Variants in ZC3H13 observed in about 807,000 individuals in gnomAD.
ZC3H13 encodes the protein zinc finger CCCH-type containing 13.
Under a neutral mutation model 204.1 loss-of-function variants are expected in ZC3H13, and 64 were observed. The ratio of observed to expected loss-of-function variants is 0.31; its 90% CI spans 0.26 to 0.39. The LOEUF (loss-of-function observed/expected upper bound fraction) is 0.39, where lower values mean the gene tolerates loss of function less well. ZC3H13 is among the 10% of genes least tolerant of loss of function. ZC3H13 has a pLI of 1.00. For synonymous variants in ZC3H13, 667 were observed against 693.7 expected, an observed-to-expected ratio of 0.96 and a Z score of 0.60; for missense variants, 1,833 against 2,082.7, an observed-to-expected ratio of 0.88 and a Z score of 2.33.
chr13:46,051,878 C>A (rs1263976309), intron 1 of ZC3H13: 1 of 151,550 alleles, frequency 6.6e-6, no homozygotes, highest in Admixed American at 6.6e-5. Flanking sequence ...CAAACAGACT[C>A]TCTTCTTTCT....
At position 45,968,913 on chromosome 13, in the gene ZC3H13, T is replaced by C; in HGVS notation, c.3631A>G (p.Asn1211Asp). The change falls in exon 14 of 19, where the codon AAT becomes GAT. Residue 1211 changes from asparagine (N) to aspartate (D), a missense_variant. By Grantham distance (23) the Asn-to-Asp change is conservative. Coordinates refer to ENST00000679008, the MANE Select transcript of ZC3H13 (RefSeq NM_001330564.2). ...TCTCCACTTCGATGGGCTGAATCATTGGATGGGGAGCGAAGACGACCAGAC... is the reference window on the plus strand; with the variant it reads ...TCTCCACTTCGATGGGCTGAATCATCGGATGGGGAGCGAAGACGACCAGAC... ...HTSGRLRSPSNDSAHRSGDDQ... is the reference protein window; with the variant it reads ...HTSGRLRSPSDDSAHRSGDDQ... 1 of 1,614,172 alleles carries C rather than the reference T, an allele frequency of 6.2e-7. No homozygotes were observed. The highest frequency in any genetic ancestry group is 1.1e-5 in the South Asian group (1 of 91,080).
intron 10 of ZC3H13, among the ~76,000 whole-genome samples, chr13:45,981,356 T>C (rs1296285461): frequency 2.0e-5 from 3 of 152,258 alleles, no homozygotes; most frequent in African/African-American, 7.2e-5. Flanking sequence ...GGTGTATATG[T>C]ACCACATTTT....
chr13:45,979,976 A>T lies in ZC3H13; in HGVS notation c.1749T>A (p.Ile583=), dbSNP rs1429558026. The T allele has an allele frequency of 2.5e-6, 4 of 1,606,838 alleles. No individual in the cohort carries two copies. In the African/African-American group the frequency reaches 5.4e-5, roughly 22 times the overall value. The change falls in exon 11 of 19, where the codon ATT becomes ATA. Residue 583 remains isoleucine, a synonymous_variant. Coordinates refer to ENST00000679008, the MANE Select transcript of ZC3H13 (RefSeq NM_001330564.2). ...KGSRGSRGSQ[I]DSHSSNSNYH... is the part of the protein sequence containing the mutation. ...AGTTGCTATTACTACTGTGACTATCAATTTGAGAACCTCTTGAGCCTCGAC... is the reference window on the plus strand; with the variant it reads ...AGTTGCTATTACTACTGTGACTATCTATTTGAGAACCTCTTGAGCCTCGAC...
At chr13:45,976,866 A>C (rs967905302) in intron 11 of ZC3H13, among the ~76,000 whole-genome samples, 13 of 152,196 alleles carry the variant, frequency 8.5e-5, no homozygotes, top group African/African-American at 2.7e-4. Flanking sequence ...TGGAACATCT[A>C]ACATCAACTC....
At chr13:45,969,996 CA>C in intron 13 of ZC3H13, 25 bp from the exon 14 acceptor site, 2 of 1,577,302 alleles carry the variant, frequency 1.3e-6, no homozygotes, top group South Asian at 2.4e-5. Flanking sequence ...AAAGCAATCA[CA>C]CTCTCACCAG....
At chr13:46,027,821 C>T (rs1055686711) in intron 4 of ZC3H13, among the ~76,000 whole-genome samples, 3 of 151,874 alleles carry the variant, frequency 2.0e-5, no homozygotes, top group Admixed American at 1.3e-4. Flanking sequence ...AATTGATATG[C>T]TAAAAAAGAA....
chr13:45,999,343 A>G (rs1008516735), intron 8 of ZC3H13, among the ~76,000 whole-genome samples: 1 of 152,330 alleles, frequency 6.6e-6, no homozygotes, highest in East Asian at 1.9e-4. Context: ...CAATCCTCTC[A>G]AACCCTGCTG....
chr13:46,038,441 T>C (rs2139094206), intron 4 of ZC3H13, among the ~76,000 whole-genome samples: 1 of 152,316 alleles, frequency 6.6e-6, no homozygotes, highest in Admixed American at 6.5e-5. Flanking sequence ...TTACAAGTTA[T>C]CCATTTATGA....
At chr13:46,001,056 C>A (rs1340220639) in intron 8 of ZC3H13, 1 of 152,132 alleles carries the variant, frequency 6.6e-6, no homozygotes, top group Non-Finnish European at 1.5e-5. Flanking sequence ...AGAACAATTA[C>A]AATGGTAATG....
intron 3 of ZC3H13, 121 bp from the exon 4 acceptor site, chr13:46,042,396 C>T (rs188257721): frequency 1.6e-6 from 1 of 624,124 alleles, no homozygotes; most frequent in Non-Finnish European, 2.5e-6. Flanking sequence ...AATCTCAATA[C>T]ACTTTTTCTA....
chr13:46,042,457 T>C (rs1294662508), intron 3 of ZC3H13, among the ~76,000 whole-genome samples, 182 bp from the exon 4 acceptor site: 2 of 152,176 alleles, frequency 1.3e-5, no homozygotes, highest in African/African-American at 2.4e-5. Flanking sequence ...AATATTAATA[T>C]GCAAAACACG....
intron 1 of ZC3H13, among the ~76,000 whole-genome samples, chr13:46,050,012 A>G (rs2044287347): frequency 6.6e-6 from 1 of 152,200 alleles, no homozygotes; most frequent in Non-Finnish European, 1.5e-5. Context: ...GAGCATTATC[A>G]AAGACAGAGT....
Position 45,970,370 on chromosome 13 carries a change from T to A in ZC3H13, c.2564A>T (p.Asp855Val), listed in dbSNP as rs1362337835. Reference sequence around the variant, plus strand: ...AAACAGAGTCTGCTTACTTTTATCATCTCCACTGTTGTAGGCATCACTGTC... The same window carrying A: ...AAACAGAGTCTGCTTACTTTTATCAACTCCACTGTTGTAGGCATCACTGTC... Reference protein sequence around the residue: ...SPDSDAYNSGDDKNEKHRLLS... With the variant: ...SPDSDAYNSGVDKNEKHRLLS... Residue 855 changes from aspartate to valine, a missense_variant, in exon 13 of 19, where the codon GAT (aspartate) becomes GTT (valine). Physicochemically the swap from Asp to Val is radical, Grantham distance 152. This residue lies in a region of ZC3H13 where 1,574 missense variants were observed against 1,757.2 expected (regional missense o/e 0.90). Coordinates refer to ENST00000679008, the MANE Select transcript of ZC3H13 (RefSeq NM_001330564.2). 1 of 1,613,732 alleles carries A rather than the reference T, an allele frequency of 6.2e-7. No homozygotes were observed.
chr13:45,968,157 T>C, intron 14 of ZC3H13, 129 bp from the exon 15 acceptor site: 2 of 855,584 alleles, frequency 2.3e-6, no homozygotes, highest in Admixed American at 3.2e-5. Context: ...CTATGTTCCA[T>C]ATTGTCTCTA....
At chr13:45,965,152 C>T in intron 16 of ZC3H13, 128 bp downstream of exon 16, 2 of 1,193,784 alleles carry the variant, frequency 1.7e-6, no homozygotes, top group South Asian at 1.9e-5. Context: ...GGCCTTTCAA[C>T]CTTAAGTAAA....
chr13:46,016,132 T>C (rs543930252), intron 5 of ZC3H13, among the ~76,000 whole-genome samples: 1 of 152,254 alleles, frequency 6.6e-6, no homozygotes. Context: ...CACCGTATGG[T>C]TAACTGGAAC....
At position 46,052,526 on chromosome 13, in the gene ZC3H13, G is replaced by A. The variant is rs1351462470; in HGVS notation, c.-132C>T. 5.0e-6 allele frequency: 2 copies of A among 398,576 alleles called. No homozygotes were observed. The highest frequency in any genetic ancestry group is 4.1e-5 in the African/African-American group (2 of 48,618). The allele number at this position is 398,576 out of a possible 1,614,324, so 24.7% of individuals were successfully genotyped here. On this transcript the variant is annotated 5_prime_UTR_variant, in exon 1 of 19. Coordinates refer to ENST00000679008, the MANE Select transcript of ZC3H13 (RefSeq NM_001330564.2). ...CCAGGAGGACGACGACGAGGAGAAA[G>A]CGATGCGCGCGCGGCTCCCGGGAAC...
At position 45,975,774 on chromosome 13, in the gene ZC3H13, T is replaced by A. The variant is rs1431820464; in HGVS notation, c.1977A>T (p.Arg659Ser). 4 of 1,613,908 alleles carry A rather than the reference T, an allele frequency of 2.5e-6. No homozygotes were observed. The highest frequency in any genetic ancestry group is 8.5e-7 in the Non-Finnish European group (1 of 1,179,934). The part of the protein sequence containing the change: ...GRNDELERDE[R>S]REERRVDRVD... ...CTCTGTCTACTCTTCGTTCCTCTCT[T>A]CTTTCATCACGCTCAAGCTCGTCAT... is the stretch of plus-strand genomic sequence containing the variant. Residue 659 changes from arginine (R) to serine (S), a missense_variant, in exon 12 of 19, where the codon AGA (arginine) becomes AGT (serine). Physicochemically the swap from Arg to Ser is moderately radical, Grantham distance 110. Coordinates refer to ENST00000679008, the MANE Select transcript of ZC3H13 (RefSeq NM_001330564.2).
At chr13:45,959,311 T>TA (rs1270389509) in intron 18 of ZC3H13, among the ~76,000 whole-genome samples, 172 bp downstream of exon 18, 8 of 152,194 alleles carry the variant, frequency 5.3e-5, no homozygotes, top group Admixed American at 5.2e-4. Context: ...ACTGTTGAAG[T>TA]AAAATAAAGC....
Sources: allele counts gnomAD v4.1 joint callset (sites outside exome capture counted in the v4.1 genomes callset), GRCh38; gene constraint gnomAD v4.1.1; regional missense constraint gnomAD v4.1.1; transcripts MANE v1.5; gene names NCBI Gene and HGNC (gene_info 2026-07-23, HGNC 2026-07-21).